MPZL1: variants seen among roughly 807,000 people sequenced by gnomAD.
MPZL1 encodes myelin protein zero-like protein 1.
In MPZL1, 16 loss-of-function variants were observed where a neutral mutation model predicts 29.3. That is an observed-to-expected ratio of 0.55 (90% CI 0.37 to 0.83). The LOEUF (loss-of-function observed/expected upper bound fraction) is 0.83, where lower values mean the gene tolerates loss of function less well. Ranked by LOEUF, MPZL1 falls within the 40% of genes least tolerant of loss-of-function variation. The pLI is 0.00. For missense variants in MPZL1, 279 were observed against 332.9 expected, an observed-to-expected ratio of 0.84 and a Z score of 1.26; for synonymous variants, 143 against 132.0, an observed-to-expected ratio of 1.08 and a Z score of -0.57.
At chr1:167,780,830 C>A (rs1337404834) in intron 5 of MPZL1, among the ~76,000 whole-genome samples, 1 of 152,236 alleles carries the variant, frequency 6.6e-6, no homozygotes, top group East Asian at 1.9e-4. Flanking sequence ...ATGCACTTAA[C>A]ACTACTAAGC....
intron 1 of MPZL1, among the ~76,000 whole-genome samples, chr1:167,740,498 C>T (rs1469925745): frequency 6.6e-6 from 1 of 152,160 alleles, no homozygotes; most frequent in Admixed American, 6.5e-5. Context: ...ACCACATTCT[C>T]TGGTTTTCTT....
intron 1 of MPZL1, among the ~76,000 whole-genome samples, chr1:167,736,316 A>G (rs554019380): frequency 4.6e-5 from 7 of 152,278 alleles, no homozygotes; most frequent in African/African-American, 1.4e-4. Flanking sequence ...TGTGGCAGCT[A>G]TAGGCATTCA....
intron 1 of MPZL1, among the ~76,000 whole-genome samples, chr1:167,737,917 T>TTTTGTGTG (rs1553254168): frequency 1.9e-4 from 28 of 143,664 alleles, no homozygotes; most frequent in Non-Finnish European, 3.8e-4. Flanking sequence ...TCTTGTGTTT[T>TTTTGTGTG]TTTGTTTGTT....
intron 5 of MPZL1, among the ~76,000 whole-genome samples, chr1:167,784,797 T>C (rs1661561284): frequency 6.6e-6 from 1 of 152,188 alleles, no homozygotes; most frequent in African/African-American, 2.4e-5. Context: ...CTTATTATAT[T>C]CTAAGGGGGA....
chr1:167,762,954 A>G (rs550027161), intron 1 of MPZL1, among the ~76,000 whole-genome samples: 1 of 152,350 alleles, frequency 6.6e-6, no homozygotes, highest in Non-Finnish European at 1.5e-5. Flanking sequence ...TTTGGATTTC[A>G]TAATCCTGGC....
rs1553255558 is a variant in MPZL1, at chr1:167,760,783, G to GTGTGTGTGTGTC, written c.92-4789_92-4788insCTGTGTGTGTGT. 1.6e-3 allele frequency among the ~76,000 whole-genome samples: 230 copies of GTGTGTGTGTGTC among 147,314 alleles called. 2 individuals carry two copies. The highest frequency in any genetic ancestry group is 5.0e-3 in the African/African-American group (199 of 39,786). On this transcript the variant is annotated intron_variant, in intron 1 of 5. Coordinates refer to ENST00000359523, the MANE Select transcript of MPZL1 (RefSeq NM_003953.6). ...TGTGTGTGTGTGTGTGTGTGTGTGT[G>GTGTGTGTGTGTC]TGTGTGTGTGTACAGGTGTCATCAG...
At position 167,788,298 on chromosome 1, in the gene MPZL1, G is replaced by C. The variant is rs1293706630; in HGVS notation, c.*377G>C. The stretch of plus-strand genomic sequence containing the variant: ...ATCCTGTAGTATTTCCAGTAGACAT[G>C]GCCTTTTAATCTAAGGGCTTAAGAC... On this transcript the variant is annotated 3_prime_UTR_variant, in exon 6 of 6. Transcript: ENST00000359523. 2 of 201,932 alleles carry C rather than the reference G, an allele frequency of 9.9e-6. No homozygotes were observed. The highest frequency in any genetic ancestry group is 2.0e-5 in the Non-Finnish European group (2 of 97,778). 12.5% of individuals were successfully genotyped at this position (201,932 alleles called of 1,614,324 possible). A position where few individuals can be genotyped will look rare whatever the true frequency, so the allele number is the denominator to read the frequency against.
intron 1 of MPZL1, among the ~76,000 whole-genome samples, chr1:167,746,721 A>G (rs1660653603): frequency 6.6e-6 from 1 of 152,180 alleles, no homozygotes; most frequent in African/African-American, 2.4e-5. Flanking sequence ...GTATTAATCC[A>G]TTTGGATGGA....
At chr1:167,769,531 T>C (rs1218440836) in intron 2 of MPZL1, among the ~76,000 whole-genome samples, 1 of 152,170 alleles carries the variant, frequency 6.6e-6, no homozygotes, top group African/African-American at 2.4e-5. Flanking sequence ...AAACACATGC[T>C]TTCTGCTCAT....
chr1:167,751,597 G>A (rs1280837243), intron 1 of MPZL1, among the ~76,000 whole-genome samples: 2 of 151,622 alleles, frequency 1.3e-5, no homozygotes, highest in Non-Finnish European at 2.9e-5. Flanking sequence ...CTTGAACCTA[G>A]GAGGCAGAGG....
In MPZL1 at chr1:167,787,970, T is replaced by C. The variant is rs780609532; in HGVS notation, c.*49T>C. Reference sequence around the variant, plus strand: ...AGCAAGAAACAAAACCAAACTGGACTCTCGTGCAGAAAATGTAGCCCATTA... The same window carrying C: ...AGCAAGAAACAAAACCAAACTGGACCCTCGTGCAGAAAATGTAGCCCATTA... On this transcript the variant is annotated 3_prime_UTR_variant, in exon 6 of 6. Transcript: ENST00000359523. 8 of 1,492,854 alleles carry C rather than the reference T, an allele frequency of 5.4e-6. No individual in the cohort carries two copies. The highest frequency in any genetic ancestry group is 3.4e-5 in the South Asian group (3 of 87,896). The allele number at this position is 1,492,854 out of a possible 1,614,324, so 92.5% of individuals were successfully genotyped here. A position where few individuals can be genotyped will look rare whatever the true frequency, so the allele number is the denominator to read the frequency against.
intron 1 of MPZL1, among the ~76,000 whole-genome samples, chr1:167,760,892 T>C (rs147108598): frequency 1.1e-3 from 160 of 151,488 alleles, no homozygotes; most frequent in African/African-American, 3.7e-3. Flanking sequence ...CTTAATCATA[T>C]AGAGGTCAGG....
chr1:167,775,389 T>C (rs1661343727), intron 4 of MPZL1, among the ~76,000 whole-genome samples: 1 of 152,238 alleles, frequency 6.6e-6, no homozygotes, highest in African/African-American at 2.4e-5. Context: ...CCCAGCTTTC[T>C]TACTTCCTGG....
At position 167,791,649 on chromosome 1, in the gene MPZL1, C is replaced by T. The variant is rs552825779; in HGVS notation, c.*3728C>T. On this transcript the variant is annotated 3_prime_UTR_variant, in exon 6 of 6. Transcript: ENST00000359523. ...GTTTGATCCACAGCCTTGTTCCTAA[C>T]CACTATGCCCTGTGGCCTCTCACAC... 2 of 152,278 alleles carry T rather than the reference C, an allele frequency of 1.3e-5. No homozygotes were observed. Among genetic ancestry groups the T allele is most frequent in the Non-Finnish European group, 2.9e-5 (2 of 68,064 alleles). The allele number at this position is 152,278 out of a possible 1,614,324, so 9.4% of individuals were successfully genotyped here. A position where few individuals can be genotyped will look rare whatever the true frequency, so the allele number is the denominator to read the frequency against.
chr1:167,780,657 T>C (rs563706768), intron 5 of MPZL1, among the ~76,000 whole-genome samples: 12 of 152,148 alleles, frequency 7.9e-5, no homozygotes, highest in Non-Finnish European at 7.4e-5. Context: ...AGACATACTA[T>C]GTGATTCTAC....
intron 1 of MPZL1, chr1:167,765,019 G>C (rs751656719): frequency 6.6e-6 from 1 of 152,174 alleles, no homozygotes; most frequent in African/African-American, 2.4e-5. Context: ...GTAGCACAGG[G>C]GATGCTTAGG....
chr1:167,743,632 T>G (rs1251923108), intron 1 of MPZL1, among the ~76,000 whole-genome samples: 1 of 148,886 alleles, frequency 6.7e-6, no homozygotes, highest in Non-Finnish European at 1.5e-5. Flanking sequence ...CTTGGTTAGG[T>G]ATATTCCTAA....
At chr1:167,759,306 C>T (rs1233159247) in intron 1 of MPZL1, among the ~76,000 whole-genome samples, 2 of 152,186 alleles carry the variant, frequency 1.3e-5, no homozygotes, top group African/African-American at 4.8e-5. Context: ...CCTAAAAACT[C>T]TCTTTTATGA....
At chr1:167,786,894 A>G (rs1661604276) in intron 5 of MPZL1, among the ~76,000 whole-genome samples, 1 of 152,308 alleles carries the variant, frequency 6.6e-6, no homozygotes, top group East Asian at 1.9e-4. Context: ...AACCAGGGCT[A>G]TTTTGTTGTT....
Sources: gnomAD v4.1 joint callset for allele counts (sites outside exome capture counted in the v4.1 genomes callset) on GRCh38, gnomAD v4.1.1 for gene constraint, MANE v1.5 for transcripts, NCBI Gene and HGNC (gene_info 2026-07-23, HGNC 2026-07-21) for gene names.